DNAH11: variants seen among roughly 807,000 people sequenced by gnomAD.
DNAH11 encodes dynein axonemal heavy chain 11.
A neutral mutation model predicts 526.0 loss-of-function variants in DNAH11; 442 were observed. The ratio of observed to expected loss-of-function variants is 0.84; its 90% CI spans 0.78 to 0.91. DNAH11 has a LOEUF of 0.91. Among genes scored for constraint, DNAH11 ranks in the 40% least tolerant of loss-of-function variants. The pLI is 0.00. For missense variants in DNAH11, 6,989 were observed against 5,448.7 expected (o/e 1.28, Z -8.90); for synonymous variants, 2,461 against 1,935.9 (o/e 1.27, Z -7.12).
Position 21,835,242 on chromosome 7 carries a change from CAGAG to C in DNAH11, c.10692-7301_10692-7298del, listed in dbSNP as rs1159385580. On this transcript the variant is annotated intron_variant, in intron 65 of 81. Coordinates refer to ENST00000409508, the MANE Select transcript of DNAH11 (RefSeq NM_001277115.2). ...CTATTCCAAAAAAAAAAAAAAAAAA[CAGAG>C]GGAGTTCTTCCAAACTCAACCTGAG... Among the ~76,000 whole-genome samples the C allele has an allele frequency of 3.6e-5, 3 of 83,378 alleles. No homozygotes were observed. In the East Asian group the frequency reaches 1.4e-3, roughly 38 times the overall value. The allele number at this position is 83,378 out of a possible 152,430, so 54.7% of individuals were successfully genotyped here. A position where few individuals can be genotyped will look rare whatever the true frequency, so the allele number is the denominator to read the frequency against.
chr7:21,720,753 T>A lies in DNAH11; in HGVS notation c.7163T>A (p.Leu2388Gln), dbSNP rs1289470565. 6.3e-7 allele frequency: 1 copy of A among 1,589,046 alleles called. No individual in the cohort carries two copies. The highest frequency in any genetic ancestry group is 1.1e-5 in the South Asian group (1 of 87,474). ...CTATGTGTTCTTTTGGAGTGCTTGCTGACTCCTGAAAATGTACCTTCTGAC... is the reference window on the plus strand; with the variant it reads ...CTATGTGTTCTTTTGGAGTGCTTGCAGACTCCTGAAAATGTACCTTCTGAC... ...QTLCVLLECL[L>Q]TPENVPSDSP... is the part of the protein sequence containing the mutation. The change falls in exon 44 of 82, where the codon CTG becomes CAG. Residue 2388 changes from leucine to glutamine, a missense_variant. Coordinates refer to ENST00000409508, the MANE Select transcript of DNAH11 (RefSeq NM_001277115.2).
intron 12 of DNAH11, 39 bp from the exon 13 acceptor site, chr7:21,590,879 T>G: frequency 8.4e-7 from 1 of 1,193,232 alleles, no homozygotes; most frequent in Non-Finnish European, 1.1e-6. Context: ...AATGACATTA[T>G]GAAAATATGC....
chr7:21,821,165 T>C (rs912590636), intron 65 of DNAH11, among the ~76,000 whole-genome samples: 10 of 152,174 alleles, frequency 6.6e-5, no homozygotes, highest in Admixed American at 5.9e-4. Flanking sequence ...TACTGTGCTT[T>C]ATGGAGAGAT....
At chr7:21,651,885 T>A (rs1445496072) in intron 28 of DNAH11, among the ~76,000 whole-genome samples, 1 of 152,266 alleles carries the variant, frequency 6.6e-6, no homozygotes, top group East Asian at 1.9e-4. Context: ...GTGACAGTCA[T>A]GTCACATCTT....
In DNAH11 at chr7:21,658,836, A is replaced by G. The variant is rs770456007; in HGVS notation, c.5133A>G (p.Gln1711=). The change falls in exon 30 of 82, where the codon CAA becomes CAG. Residue 1711 remains glutamine (Q), a synonymous_variant. Coordinates refer to ENST00000409508, the MANE Select transcript of DNAH11 (RefSeq NM_001277115.2). ...TTCTGCAACTTGAACAGACTATGCAAGAAACGGTGCGTCATTCTATAACAG... is the reference window on the plus strand; with the variant it reads ...TTCTGCAACTTGAACAGACTATGCAGGAAACGGTGCGTCATTCTATAACAG... ...TWLLQLEQTM[Q]ETVRHSITEA... The G allele has an allele frequency of 3.7e-6, 6 of 1,600,608 alleles. No homozygotes were observed. Among genetic ancestry groups the G allele is most frequent in the Non-Finnish European group, 5.1e-6 (6 of 1,173,582 alleles).
At chr7:21,722,819 T>C (rs1188475143) in intron 44 of DNAH11, among the ~76,000 whole-genome samples, 2 of 150,290 alleles carry the variant, frequency 1.3e-5, no homozygotes, top group Non-Finnish European at 2.9e-5. Flanking sequence ...CCACCAGGTA[T>C]TTCTTTCAAT....
At chr7:21,554,449 A>T (rs1783143633) in intron 2 of DNAH11, among the ~76,000 whole-genome samples, 1 of 152,022 alleles carries the variant, frequency 6.6e-6, no homozygotes, top group Admixed American at 6.5e-5. Flanking sequence ...TGCTGGGATT[A>T]TAGGCATGAG....
At chr7:21,547,023 T>C (rs1200647478) in intron 2 of DNAH11, among the ~76,000 whole-genome samples, 2 of 152,200 alleles carry the variant, frequency 1.3e-5, no homozygotes, top group African/African-American at 4.8e-5. Context: ...CTTACTTTGG[T>C]TCATAGAGAA....
At chr7:21,641,766 T>C (rs1787141302) in intron 28 of DNAH11, among the ~76,000 whole-genome samples, 1 of 152,222 alleles carries the variant, frequency 6.6e-6, no homozygotes, top group Non-Finnish European at 1.5e-5. Flanking sequence ...CCATTATCAG[T>C]GTGACTTACT....
chr7:21,857,230 C>G (rs1017669464), intron 68 of DNAH11, among the ~76,000 whole-genome samples: 4 of 152,056 alleles, frequency 2.6e-5, no homozygotes, highest in Non-Finnish European at 5.9e-5. Context: ...GCTTCCAAAG[C>G]CGTGAAGCTT....
Position 21,735,661 on chromosome 7 carries a change from G to C in DNAH11, c.7462G>C (p.Glu2488Gln), listed in dbSNP as rs757560427. The C allele has an allele frequency of 9.4e-6, 15 of 1,598,886 alleles. No individual in the cohort carries two copies. In the Admixed American group the frequency reaches 2.6e-4, roughly 28 times the overall value. The change falls in exon 46 of 82, where the codon GAG (glutamate) becomes CAG (glutamine). Residue 2488 changes from glutamate (E) to glutamine (Q), a missense_variant. Coordinates refer to ENST00000409508, the MANE Select transcript of DNAH11 (RefSeq NM_001277115.2). ...PLQTVLVHTT[E>Q]TARLRYFMEL... ...CCAGACAGTTCTCGTTCACACAACA[G>C]AGACAGCTCGTCTTAGATATTTCAT...
Position 21,606,516 on chromosome 7 carries a change from A to C in DNAH11, c.3739A>C (p.Ile1247Leu), listed in dbSNP as rs569089902. 5.6e-6 allele frequency: 9 copies of C among 1,610,978 alleles called. No homozygotes were observed. In the Admixed American group the frequency reaches 1.0e-4, roughly 18 times the overall value. The change falls in exon 19 of 82, where the codon ATA becomes CTA. Residue 1247 changes from isoleucine to leucine, a missense_variant. Coordinates refer to ENST00000409508, the MANE Select transcript of DNAH11 (RefSeq NM_001277115.2). ...SPLHNAEVTLIRKKCILFDAK... is the reference protein window; with the variant it reads ...SPLHNAEVTLLRKKCILFDAK... ...TCTCCATAATGCGGAAGTCACTCTT[A>C]TAAGGAAAAAATGTATTTTGTTTGA...
chr7:21,767,504 G>C (rs182077929), intron 55 of DNAH11, among the ~76,000 whole-genome samples: 88 of 152,258 alleles, frequency 5.8e-4, no homozygotes, highest in African/African-American at 2.0e-3. Flanking sequence ...AGTCCAGAGG[G>C]CTCCTGTCAG....
intron 14 of DNAH11, among the ~76,000 whole-genome samples, chr7:21,595,760 A>G (rs570763629): frequency 2.0e-5 from 3 of 151,686 alleles, no homozygotes; most frequent in Admixed American, 2.0e-4. Flanking sequence ...GGAGGAGTGG[A>G]TGGCAATGAT....
chr7:21,551,527 C>T (rs558161862), intron 2 of DNAH11, among the ~76,000 whole-genome samples: 4 of 152,282 alleles, frequency 2.6e-5, no homozygotes, highest in African/African-American at 9.6e-5. Context: ...TATACAGTGT[C>T]TTCTTGGGCT....
At chr7:21,567,581 G>A (rs1294178312) in intron 6 of DNAH11, among the ~76,000 whole-genome samples, 1 of 152,198 alleles carries the variant, frequency 6.6e-6, no homozygotes, top group African/African-American at 2.4e-5. Flanking sequence ...CACAGGCGCA[G>A]CCAGTGACTG....
At chr7:21,823,336 T>C (rs1232226242) in intron 65 of DNAH11, among the ~76,000 whole-genome samples, 1 of 152,156 alleles carries the variant, frequency 6.6e-6, no homozygotes, top group Non-Finnish European at 1.5e-5. Context: ...AACTATGTTT[T>C]TCATACCTGC....
chr7:21,866,658 T>C lies in DNAH11; in HGVS notation c.11685T>C (p.Ala3895=), dbSNP rs1459951203. The change falls in exon 71 of 82, where the codon GCT becomes GCC. Residue 3895 remains alanine, a synonymous_variant. Transcript: ENST00000409508. ...TGCGCCCTGACAGAATGACGTATGCTCTCAGGTGGGGTGGTCAGCATTTTT... is the reference window on the plus strand; with the variant it reads ...TGCGCCCTGACAGAATGACGTATGCCCTCAGGTGGGGTGGTCAGCATTTTT... The part of the protein sequence containing the change: ...RAMRPDRMTY[A]LRNFVEEKLG... 3.7e-6 allele frequency: 6 copies of C among 1,610,038 alleles called. No homozygotes were observed. The highest frequency in any genetic ancestry group is 5.1e-6 in the Non-Finnish European group (6 of 1,178,144).
At chr7:21,774,173 G>A (rs571103355) in intron 56 of DNAH11, among the ~76,000 whole-genome samples, 174 bp downstream of exon 56, 1 of 152,228 alleles carries the variant, frequency 6.6e-6, no homozygotes, top group South Asian at 2.1e-4. Flanking sequence ...AATGGGATTG[G>A]CCGACTCACA....
Sources: gnomAD v4.1 joint callset for allele counts (sites outside exome capture counted in the v4.1 genomes callset) on GRCh38, gnomAD v4.1.1 for gene constraint, MANE v1.5 for transcripts, NCBI Gene and HGNC (gene_info 2026-07-23, HGNC 2026-07-21) for gene names.